Variants in CCDC150 observed in about 807,000 individuals in gnomAD.
CCDC150 encodes the protein coiled-coil domain containing 150.
CCDC150 carries 151 observed loss-of-function variants against 156.5 expected under a neutral mutation model. The observed-to-expected ratio is 0.97, with a 90% CI of 0.85 to 1.10. CCDC150 has a LOEUF of 1.10. Among genes scored for constraint, CCDC150 ranks in the 50% least tolerant of loss-of-function variants. CCDC150 has a pLI of 0.00. For missense variants in CCDC150, 1,312 were observed against 1,268.1 expected (o/e 1.03, Z -0.53); for synonymous variants, 452 against 429.4 (o/e 1.05, Z -0.65).
At chr2:196,688,410 G>C (rs1030451961) in intron 13 of CCDC150, among the ~76,000 whole-genome samples, 2 of 152,130 alleles carry the variant, frequency 1.3e-5, no homozygotes, top group African/African-American at 4.8e-5. Context: ...TACTGTTGTT[G>C]ATGTATGGGA....
chr2:196,672,190 G>C lies in CCDC150; in HGVS notation c.937-155G>C, dbSNP rs143988285. Among the ~76,000 whole-genome samples, 149 of 152,248 alleles carry C rather than the reference G, an allele frequency of 9.8e-4. No homozygotes were observed. The East Asian group carries it at 0.019, about 19-fold the overall frequency. ...GAAGTTTAGGAGTTGAAGATACCAA[G>C]ATTTTTATACATTCTTTATAAGACA... On this transcript the variant is annotated intron_variant, in intron 8 of 27. Transcript: ENST00000389175.
intron 21 of CCDC150, 112 bp downstream of exon 21, chr2:196,721,803 G>A (rs1697933925): frequency 1.2e-6 from 1 of 868,036 alleles, no homozygotes; most frequent in Admixed American, 3.2e-5. Context: ...CTCCTACTTT[G>A]CCCTAGTACT....
intron 15 of CCDC150, among the ~76,000 whole-genome samples, chr2:196,702,647 A>T (rs1696316461): frequency 6.6e-6 from 1 of 151,764 alleles, no homozygotes; most frequent in South Asian, 2.1e-4. Context: ...CTGGGATTAC[A>T]AGAGACTTCA....
intron 17 of CCDC150, among the ~76,000 whole-genome samples, chr2:196,713,914 G>A (rs1470760141): frequency 1.3e-5 from 2 of 151,902 alleles, no homozygotes. Flanking sequence ...ATATAATTTT[G>A]ATTTTTTAAA....
chr2:196,649,282 G>C (rs2125572664), intron 2 of CCDC150, among the ~76,000 whole-genome samples: 1 of 152,192 alleles, frequency 6.6e-6, no homozygotes, highest in South Asian at 2.1e-4. Context: ...ATATCTTTCA[G>C]TTTACAGTCA....
At chr2:196,644,791 A>G (rs71422629) in intron 1 of CCDC150, among the ~76,000 whole-genome samples, 1 of 152,122 alleles carries the variant, frequency 6.6e-6, no homozygotes, top group African/African-American at 2.4e-5. Context: ...TGAAAGAAAA[A>G]TTCTGGTCAG....
At chr2:196,654,306 T>A (rs1693059197) in intron 2 of CCDC150, among the ~76,000 whole-genome samples, 1 of 152,092 alleles carries the variant, frequency 6.6e-6, no homozygotes, top group African/African-American at 2.4e-5. Flanking sequence ...GGGAAGTTTT[T>A]TTTTTATTAT....
intron 26 of CCDC150, among the ~76,000 whole-genome samples, chr2:196,731,295 A>G (rs568854494): frequency 3.9e-5 from 6 of 152,258 alleles, no homozygotes; most frequent in Admixed American, 3.9e-4. Flanking sequence ...TCAATCAATA[A>G]CTAAAAAAGT....
At chr2:196,701,290 A>G (rs1051559181) in intron 15 of CCDC150, 110 bp downstream of exon 15, 7 of 758,174 alleles carry the variant, frequency 9.2e-6, no homozygotes, top group African/African-American at 5.3e-5. Context: ...TACTAAGTCT[A>G]TAGTCTCTGA....
At chr2:196,695,493 TTCTG>T (rs1695762230) in intron 14 of CCDC150, among the ~76,000 whole-genome samples, 1 of 152,190 alleles carries the variant, frequency 6.6e-6, no homozygotes, top group Admixed American at 6.5e-5. Context: ...TAAGTCTGAT[TTCTG>T]AAAGCTATTT....
chr2:196,652,452 A>T (rs750377043), intron 2 of CCDC150, among the ~76,000 whole-genome samples: 4 of 152,240 alleles, frequency 2.6e-5, no homozygotes, highest in African/African-American at 9.6e-5. Flanking sequence ...GCTCCAAAAC[A>T]ATCTTTGACT....
chr2:196,732,238 A>G (rs1199814195), intron 27 of CCDC150, 86 bp downstream of exon 27: 1 of 1,440,766 alleles, frequency 6.9e-7, no homozygotes, highest in Non-Finnish European at 9.7e-7. Flanking sequence ...CATCATCTCG[A>G]TACTCTCTCT....
intron 22 of CCDC150, among the ~76,000 whole-genome samples, chr2:196,728,244 T>G (rs1477511280): frequency 1.3e-5 from 2 of 152,162 alleles, no homozygotes; most frequent in Non-Finnish European, 2.9e-5. Context: ...ATGATAGTTG[T>G]TAGTGCTTAT....
Position 196,712,195 on chromosome 2 carries a change from C to T in CCDC150, c.1746C>T (p.Ser582=), listed in dbSNP as rs1697174621. The T allele has an allele frequency of 1.9e-6, 3 of 1,588,598 alleles. No individual in the cohort carries two copies. The East Asian group carries it at 6.8e-5, about 36-fold the overall frequency. ...EEQVQSFTDT[S]LQNDHLRKMN... The stretch of plus-strand genomic sequence containing the variant: ...AAGTACAGTCTTTTACTGACACCAG[C>T]TTACAGAATGATCATCTACGCAAGA... Residue 582 remains serine, a synonymous_variant, in exon 16 of 28, where the codon AGC becomes AGT. Coordinates refer to ENST00000389175, the MANE Select transcript of CCDC150 (RefSeq NM_001080539.2).
At chr2:196,677,192 T>G in intron 12 of CCDC150, 101 bp from the exon 13 acceptor site, 1 of 777,320 alleles carries the variant, frequency 1.3e-6, no homozygotes, top group South Asian at 1.5e-5. Flanking sequence ...ATCTCTGCAG[T>G]GTAGGTATTA....
intron 5 of CCDC150, among the ~76,000 whole-genome samples, chr2:196,660,865 C>T (rs1171569388): frequency 6.6e-6 from 1 of 152,162 alleles, no homozygotes; most frequent in East Asian, 1.9e-4. Flanking sequence ...TCTAAAAAGT[C>T]GACAAACCCA....
Position 196,712,141 on chromosome 2 carries a change from C to G in CCDC150, c.1696-4C>G, listed in dbSNP as rs373994066. ...TTTTTTTTGTATTTTTGTTTTTCCT[C>G]TAGATAAAAGTTAAACAGCTAGAAG... is the stretch of plus-strand genomic sequence containing the variant. On this transcript the variant is annotated splice_polypyrimidine_tract_variant and splice_region_variant and intron_variant, in intron 15 of 27. Transcript: ENST00000389175. 1.7e-4 allele frequency: 243 copies of G among 1,445,854 alleles called. No homozygotes were observed. Among genetic ancestry groups the G allele is most frequent in the African/African-American group, 4.9e-4 (34 of 69,128 alleles). 89.6% of individuals were successfully genotyped at this position (1,445,854 alleles called of 1,614,324 possible).
At position 196,698,700 on chromosome 2, in the gene CCDC150, A is replaced by T. The variant is rs938789757; in HGVS notation, c.1624-2409A>T. On this transcript the variant is annotated intron_variant, in intron 14 of 27. Coordinates refer to ENST00000389175, the MANE Select transcript of CCDC150 (RefSeq NM_001080539.2). ...TCGAATTTTAAATAAGCTTTTTTTT[A>T]AAATTATACTTTAAGTTTTAGGGTA... Among the ~76,000 whole-genome samples, 45 of 152,266 alleles carry T rather than the reference A, an allele frequency of 3.0e-4. 1 individual carries two copies. The highest frequency in any genetic ancestry group is 2.3e-3 in the East Asian group (12 of 5,184).
intron 1 of CCDC150, among the ~76,000 whole-genome samples, chr2:196,641,658 G>C (rs1281337571): frequency 6.6e-6 from 1 of 152,082 alleles, no homozygotes; most frequent in Non-Finnish European, 1.5e-5. Flanking sequence ...AGTTTTGTTC[G>C]TACTGTTCTA....
Sources: allele counts gnomAD v4.1 joint callset (sites outside exome capture counted in the v4.1 genomes callset), GRCh38; gene constraint gnomAD v4.1.1; transcripts MANE v1.5; gene names NCBI Gene and HGNC (gene_info 2026-07-23, HGNC 2026-07-21).